The following VPS13B variants were observed in gnomAD, a reference collection of about 807,000 sequenced individuals.
VPS13B encodes the protein vacuolar protein sorting 13 homolog B, also known as intermembrane lipid transfer protein VPS13B.
VPS13B carries 285 observed loss-of-function variants against 426.4 expected under a neutral mutation model. That is an observed-to-expected ratio of 0.67 (90% confidence interval 0.61 to 0.74). VPS13B has a LOEUF of 0.74. VPS13B is among the 30% of genes least tolerant of loss of function. The pLI is 0.00. For missense variants in VPS13B, 4,537 were observed against 4,782.6 expected (o/e 0.95, Z 1.51); for synonymous variants, 1,676 against 1,676.4 (o/e 1.00, Z 0.01).
intron 39 of VPS13B, among the ~76,000 whole-genome samples, chr8:99,752,630 C>T (rs975057463): frequency 4.6e-5 from 7 of 152,140 alleles, no homozygotes; most frequent in African/African-American, 1.7e-4. Flanking sequence ...GTAAAATATG[C>T]TAAGTTGACT....
chr8:99,608,017 A>G (rs1827675942), intron 33 of VPS13B, among the ~76,000 whole-genome samples: 1 of 152,148 alleles, frequency 6.6e-6, no homozygotes, highest in African/African-American at 2.4e-5. Flanking sequence ...GTTGAAGCAT[A>G]TGGAGAAAAT....
rs1300242283 is a variant in VPS13B, at chr8:99,628,775, GT to G, written c.5221-13023del. On this transcript the variant is annotated intron_variant, in intron 33 of 61. Transcript: ENST00000357162. Reference sequence around the variant, plus strand: ...CAGTTTCACCATTTACTAGCTATGTGTTTTTTTTTTTTTAAGGGGGCAGACA... The same window carrying G: ...CAGTTTCACCATTTACTAGCTATGTGTTTTTTTTTTTTAAGGGGGCAGACA... Among the ~76,000 whole-genome samples the G allele has an allele frequency of 2.7e-3, 387 of 142,998 alleles. 2 individuals carry two copies. Among genetic ancestry groups the G allele is most frequent in the African/African-American group, 5.6e-3 (219 of 39,198 alleles). 93.8% of individuals were successfully genotyped at this position (142,998 alleles called of 152,430 possible). A position where few individuals can be genotyped will look rare whatever the true frequency, so the allele number is the denominator to read the frequency against.
At chr8:99,507,457 T>A (rs1821561383) in intron 28 of VPS13B, among the ~76,000 whole-genome samples, 1 of 152,226 alleles carries the variant, frequency 6.6e-6, no homozygotes, top group African/African-American at 2.4e-5. Context: ...TTTGTTAATA[T>A]ACTTTATCTT....
chr8:99,514,935 A>G (rs1007117110), intron 29 of VPS13B, among the ~76,000 whole-genome samples: 2 of 152,230 alleles, frequency 1.3e-5, no homozygotes, highest in Non-Finnish European at 2.9e-5. Context: ...ATGTGCAGGC[A>G]TAGTTCAGTC....
At chr8:99,260,327 A>C (rs1156497563) in intron 17 of VPS13B, among the ~76,000 whole-genome samples, 1 of 152,078 alleles carries the variant, frequency 6.6e-6, no homozygotes, top group Non-Finnish European at 1.5e-5. Context: ...AATAGATGTG[A>C]GATGTGAATC....
intron 34 of VPS13B, among the ~76,000 whole-genome samples, chr8:99,649,259 T>C (rs1241050016): frequency 6.6e-6 from 1 of 152,156 alleles, no homozygotes; most frequent in African/African-American, 2.4e-5. Context: ...TATGGGTATA[T>C]TGTTTTGGTT....
chr8:99,364,771 G>A (rs1032169946), intron 19 of VPS13B, among the ~76,000 whole-genome samples: 4 of 152,052 alleles, frequency 2.6e-5, no homozygotes, highest in South Asian at 2.1e-4. Flanking sequence ...CTGGTTTTTG[G>A]GATCAGGGTA....
At chr8:99,703,335 C>T (rs1832361807) in intron 36 of VPS13B, among the ~76,000 whole-genome samples, 1 of 151,982 alleles carries the variant, frequency 6.6e-6, no homozygotes, top group Non-Finnish European at 1.5e-5. Context: ...TAATTCCACT[C>T]TGCAGATACT....
Position 99,401,670 on chromosome 8 carries a change from A to T in VPS13B, c.3082+9966A>T, listed in dbSNP as rs190538459. Among the ~76,000 whole-genome samples, 122 of 152,322 alleles carry T rather than the reference A, an allele frequency of 8.0e-4. 2 individuals carry two copies. Among genetic ancestry groups the T allele is most frequent in the African/African-American group, 2.6e-3 (107 of 41,574 alleles). ...CACCTGAGGTCAAGAGTTTGAGACC[A>T]GCCTGGCCAACATGGTGAAACCCTG... is the stretch of plus-strand genomic sequence containing the variant. On this transcript the variant is annotated intron_variant, in intron 21 of 61. Transcript: ENST00000357162.
At chr8:99,511,630 T>C (rs1336645013) in intron 29 of VPS13B, 118 bp downstream of exon 29, 10 of 1,048,740 alleles carry the variant, frequency 9.5e-6, no homozygotes, top group Non-Finnish European at 1.2e-5. Context: ...CTTTGTGGTT[T>C]GGTATATTTT....
intron 44 of VPS13B, among the ~76,000 whole-genome samples, chr8:99,812,745 G>A (rs1485636614): frequency 6.6e-6 from 1 of 152,156 alleles, no homozygotes; most frequent in East Asian, 1.9e-4. Context: ...ATGTATGTAT[G>A]TATAATGGTG....
intron 2 of VPS13B, among the ~76,000 whole-genome samples, chr8:99,014,771 A>G (rs912490679): frequency 6.6e-6 from 1 of 151,842 alleles, no homozygotes; most frequent in African/African-American, 2.4e-5. Flanking sequence ...AGTGTTGAGT[A>G]GATACATTGA....
At chr8:99,329,876 G>A (rs541839407) in intron 19 of VPS13B, among the ~76,000 whole-genome samples, 210 of 152,028 alleles carry the variant, frequency 1.4e-3, no homozygotes, top group Non-Finnish European at 2.2e-3. Context: ...TGGCGTGAAG[G>A]ACATTTTGGG....
intron 19 of VPS13B, among the ~76,000 whole-genome samples, chr8:99,321,715 T>C (rs1218745430): frequency 6.6e-6 from 1 of 152,246 alleles, no homozygotes; most frequent in Non-Finnish European, 1.5e-5. Context: ...GAATAACATT[T>C]GTAATTTTAC....
chr8:99,204,524 G>C (rs118013858), intron 17 of VPS13B, among the ~76,000 whole-genome samples: 1 of 152,096 alleles, frequency 6.6e-6, no homozygotes, highest in Admixed American at 6.6e-5. Flanking sequence ...CTCATCAAAC[G>C]AAAGAGCTTC....
In VPS13B at chr8:99,582,816, C is replaced by T. The variant is rs763109875; in HGVS notation, c.5220+5183C>T. ...GACTAGAGGCGCCCGCCACCACGCC[C>T]GGCTAATTTTTTGTATTTTTAGGAG... On this transcript the variant is annotated intron_variant, in intron 33 of 61. Transcript: ENST00000357162. Among the ~76,000 whole-genome samples the T allele has an allele frequency of 2.0e-5, 3 of 152,168 alleles. 1 individual carries two copies. The highest frequency in any genetic ancestry group is 1.9e-4 in the East Asian group (1 of 5,172).
At chr8:99,324,074 C>T (rs749712311) in intron 19 of VPS13B, among the ~76,000 whole-genome samples, 12 of 152,112 alleles carry the variant, frequency 7.9e-5, no homozygotes, top group East Asian at 3.9e-4. Flanking sequence ...ATGATTCTTG[C>T]GGGAGGTCTT....
chr8:99,132,614 T>G (rs1031358618), intron 8 of VPS13B, among the ~76,000 whole-genome samples: 1 of 151,748 alleles, frequency 6.6e-6, no homozygotes, highest in Non-Finnish European at 1.5e-5. Context: ...GGAATCACTA[T>G]CTATGGTGGC....
At chr8:99,528,645 G>A (rs182549411) in intron 30 of VPS13B, among the ~76,000 whole-genome samples, 45 of 152,118 alleles carry the variant, frequency 3.0e-4, no homozygotes, top group African/African-American at 1.1e-3. Context: ...TTTTTTCATG[G>A]TCTCATTTTT....
Sources: gnomAD v4.1 joint callset for allele counts (sites outside exome capture counted in the v4.1 genomes callset) on GRCh38, gnomAD v4.1.1 for gene constraint, MANE v1.5 for transcripts, NCBI Gene and HGNC (gene_info 2026-07-23, HGNC 2026-07-21) for gene names.